Variants in CRYZ observed in about 807,000 individuals in gnomAD.
CRYZ encodes crystallin zeta.
In CRYZ, 35 loss-of-function variants were observed where a neutral mutation model predicts 34.1. The observed-to-expected ratio is 1.03, with a 90% CI of 0.78 to 1.36. The LOEUF is 1.36. Ranked by LOEUF, CRYZ falls within the 40% of genes most tolerant of loss-of-function variation. The probability of loss-of-function intolerance (pLI) is 0.00; values close to 1 mark genes in which losing one functional copy is unlikely to be tolerated. For missense variants in CRYZ, 403 were observed against 391.8 expected, an observed-to-expected ratio of 1.03 and a Z score of -0.24; for synonymous variants, 137 against 136.5, an observed-to-expected ratio of 1.00 and a Z score of -0.03.
At chr1:74,707,451 T>C (rs923274993) in intron 6 of CRYZ, 2 of 255,026 alleles carry the variant, frequency 7.8e-6, no homozygotes, top group Non-Finnish European at 7.3e-6. Flanking sequence ...ATAAAGTTTG[T>C]CTGGAATTTT....
chr1:74,730,762 T>G (rs556963692), intron 1 of CRYZ, among the ~76,000 whole-genome samples: 1 of 152,322 alleles, frequency 6.6e-6, no homozygotes, highest in African/African-American at 2.4e-5. Context: ...CCCTTTGAGA[T>G]GCTGGCATAT....
chr1:74,706,946 C>A lies in CRYZ; in HGVS notation c.781G>T (p.Ala261Ser), dbSNP rs1646937373. ...TIEINPRDTM[A>S]KESSIIGVTL... Reference sequence around the variant, plus strand: ...ACTCCAATTATACTCGACTCCTTTGCCATGGTGTCTCGTGGGTTTATTTCA... The same window carrying A: ...ACTCCAATTATACTCGACTCCTTTGACATGGTGTCTCGTGGGTTTATTTCA... The change falls in exon 8 of 9, where the codon GCA (alanine) becomes TCA (serine). Residue 261 changes from alanine (A) to serine (S), a missense_variant. By Grantham distance (99) the Ala-to-Ser change is moderately conservative. Coordinates refer to ENST00000340866, the MANE Select transcript of CRYZ (RefSeq NM_001889.4). 1 of 1,612,944 alleles carries A rather than the reference C, an allele frequency of 6.2e-7. No individual in the cohort carries two copies. Among genetic ancestry groups the A allele is most frequent in the South Asian group, 1.1e-5 (1 of 91,014 alleles).
intron 1 of CRYZ, among the ~76,000 whole-genome samples, chr1:74,726,221 C>T (rs1028712135): frequency 6.6e-6 from 1 of 152,210 alleles, no homozygotes; most frequent in Non-Finnish European, 1.5e-5. Context: ...TCTGCACTGC[C>T]CTAGCAGAGG....
At chr1:74,732,345 C>T (rs1647823744) in intron 1 of CRYZ, among the ~76,000 whole-genome samples, 1 of 138,314 alleles carries the variant, frequency 7.2e-6, no homozygotes, top group African/African-American at 2.7e-5. Context: ...CTACAGCTGA[C>T]AGGTGGGCTG....
At chr1:74,706,531 T>G (rs550481895) in intron 8 of CRYZ, 74 bp from the exon 9 acceptor site, 1 of 1,355,276 alleles carries the variant, frequency 7.4e-7, no homozygotes, top group Non-Finnish European at 1.0e-6. Context: ...TAAAAACACT[T>G]CAGAATCTAA....
At chr1:74,729,331 A>T (rs1387782281) in intron 1 of CRYZ, among the ~76,000 whole-genome samples, 1 of 152,058 alleles carries the variant, frequency 6.6e-6, no homozygotes, top group Non-Finnish European at 1.5e-5. Flanking sequence ...CACCAAGCAC[A>T]GAACTTAGCA....
intron 1 of CRYZ, among the ~76,000 whole-genome samples, chr1:74,728,026 CTTTA>C (rs972420310): frequency 1.3e-5 from 2 of 152,056 alleles, no homozygotes; most frequent in Admixed American, 6.6e-5. Context: ...TGTTTTCAAA[CTTTA>C]TTTACACAGT....
In CRYZ at chr1:74,706,335, A is replaced by G; in HGVS notation, c.951T>C (p.His317=). The G allele has an allele frequency of 6.2e-7, 1 of 1,612,136 alleles. No individual in the cohort carries two copies. Residue 317 remains histidine (H), a synonymous_variant, in exon 9 of 9, where the codon CAT becomes CAC. Coordinates refer to ENST00000340866, the MANE Select transcript of CRYZ (RefSeq NM_001889.4). ...TCATTTTTCCAGTAGCCCCACTACC[A>G]TGAATGATATTTTCATGAGCCTCGG... ...KVAEAHENII[H]GSGATGKMIL...
At position 74,706,268 on chromosome 1, in the gene CRYZ, C is replaced by T; in HGVS notation, c.*28G>A. The T allele has an allele frequency of 1.3e-6, 2 of 1,566,482 alleles. No homozygotes were observed. The highest frequency in any genetic ancestry group is 4.5e-5 in the East Asian group (2 of 44,188). On this transcript the variant is annotated 3_prime_UTR_variant, in exon 9 of 9. Coordinates refer to ENST00000340866, the MANE Select transcript of CRYZ (RefSeq NM_001889.4). ...GGGGGAAAGACAGTACCTCTAATTA[C>T]ATAGGAAATCCATGAAAGAATTAAT...
intron 1 of CRYZ, 120 bp from the exon 2 acceptor site, chr1:74,724,954 A>C (rs556148032): frequency 1.7e-6 from 1 of 579,790 alleles, no homozygotes. Flanking sequence ...TCATGAGCTT[A>C]CCACTGATCT....
rs771995227 is a variant in CRYZ, at chr1:74,710,091, A to C, written c.630+7T>G. On this transcript the variant is annotated splice_region_variant and intron_variant, in intron 6 of 8. Transcript: ENST00000340866. ...TTTGACTTTTGTAAAACAGTGGAAA[A>C]TTTTACCTTAATTTTATCAATGTAA... is the stretch of plus-strand genomic sequence containing the variant. 13 of 1,609,932 alleles carry C rather than the reference A, an allele frequency of 8.1e-6. No individual in the cohort carries two copies.
At chr1:74,709,965 G>T in intron 6 of CRYZ, 133 bp downstream of exon 6, 1 of 646,668 alleles carries the variant, frequency 1.5e-6, no homozygotes, top group South Asian at 2.6e-5. Context: ...TTTAAAACAC[G>T]CATAAAAATT....
chr1:74,707,063 T>C, intron 7 of CRYZ, 40 bp downstream of exon 7: 1 of 1,507,390 alleles, frequency 6.6e-7, no homozygotes, highest in Non-Finnish European at 8.9e-7. Flanking sequence ...TGGTAAAACA[T>C]TAAAGTGGTA....
At chr1:74,716,505 G>C (rs1449937206) in intron 4 of CRYZ, among the ~76,000 whole-genome samples, 1 of 151,890 alleles carries the variant, frequency 6.6e-6, no homozygotes, top group Non-Finnish European at 1.5e-5. Context: ...TCCAATCAAG[G>C]AGACACTGCA....
intron 5 of CRYZ, among the ~76,000 whole-genome samples, chr1:74,712,211 T>C (rs775684506): frequency 1.5e-4 from 23 of 152,186 alleles, no homozygotes; most frequent in Non-Finnish European, 2.8e-4. Context: ...CAAATAAGTG[T>C]CACATACATT....
At chr1:74,730,207 C>T (rs1008421966) in intron 1 of CRYZ, among the ~76,000 whole-genome samples, 1 of 152,140 alleles carries the variant, frequency 6.6e-6, no homozygotes, top group African/African-American at 2.4e-5. Context: ...ATTTGGAAGA[C>T]TCATCTGCTT....
At chr1:74,723,032 C>T in intron 3 of CRYZ, 86 bp downstream of exon 3, 2 of 1,399,964 alleles carry the variant, frequency 1.4e-6, no homozygotes, top group Non-Finnish European at 9.9e-7. Context: ...CTTTTAAAAC[C>T]TTAAATAAGA....
At chr1:74,719,090 T>C (rs1236927593) in intron 4 of CRYZ, 119 bp downstream of exon 4, 83 of 1,001,662 alleles carry the variant, frequency 8.3e-5, no homozygotes, top group Non-Finnish European at 1.2e-4. Flanking sequence ...AAATGTTTAA[T>C]GGTAAGTAAC....
At chr1:74,725,418 G>A (rs762765388) in intron 1 of CRYZ, among the ~76,000 whole-genome samples, 1 of 152,240 alleles carries the variant, frequency 6.6e-6, no homozygotes, top group Middle Eastern at 3.4e-3. Context: ...GCTTGTGCAG[G>A]GGAATTCCCT....
Sources: allele counts gnomAD v4.1 joint callset (sites outside exome capture counted in the v4.1 genomes callset), GRCh38; gene constraint gnomAD v4.1.1; transcripts MANE v1.5; gene names NCBI Gene and HGNC (gene_info 2026-07-23, HGNC 2026-07-21).